Variants in EPHA3 observed in about 807,000 individuals in gnomAD.
EPHA3 encodes the protein ephrin type-A receptor 3.
Under a neutral mutation model 107.1 loss-of-function variants are expected in EPHA3, and 42 were observed. That is an observed-to-expected ratio of 0.39 (90% CI 0.31 to 0.51). The LOEUF (loss-of-function observed/expected upper bound fraction) is 0.51, where lower values mean the gene tolerates loss of function less well. EPHA3 is among the 20% of genes least tolerant of loss of function. The pLI, the probability that EPHA3 is intolerant of heterozygous loss-of-function variation, is 0.78. For synonymous variants in EPHA3, 461 were observed against 424.8 expected (o/e 1.09, Z -1.05); for missense variants, 1,183 against 1,211.2 (o/e 0.98, Z 0.35).
chr3:89,273,306 T>C (rs73849227), intron 3 of EPHA3, among the ~76,000 whole-genome samples: 4,923 of 152,028 alleles, frequency 0.032, 276 homozygotes, highest in African/African-American at 0.11. Flanking sequence ...GCAGTAGGAA[T>C]GTAAGTCATT....
chr3:89,328,302 C>T (rs1438878110), intron 3 of EPHA3, among the ~76,000 whole-genome samples: 1 of 152,056 alleles, frequency 6.6e-6, no homozygotes, highest in African/African-American at 2.4e-5. Flanking sequence ...AGGCAGATCC[C>T]CCCACAAAAT....
At chr3:89,384,498 T>G (rs62275019) in intron 5 of EPHA3, among the ~76,000 whole-genome samples, 48,001 of 152,074 alleles carry the variant, frequency 0.32, 8,558 homozygotes, top group African/African-American at 0.48. Flanking sequence ...TGTTTACATT[T>G]TCTCTGAAAT....
intron 3 of EPHA3, among the ~76,000 whole-genome samples, chr3:89,301,094 G>T (rs1374159605): frequency 6.6e-6 from 1 of 151,978 alleles, no homozygotes; most frequent in Non-Finnish European, 1.5e-5. Context: ...AGTCAAACCT[G>T]GTGGCTAAAA....
intron 2 of EPHA3, among the ~76,000 whole-genome samples, chr3:89,163,365 A>G (rs1202791259): frequency 6.6e-6 from 1 of 152,108 alleles, no homozygotes. Flanking sequence ...ATACTTTGCT[A>G]TGATTTTGAG....
At chr3:89,350,928 C>G (rs1384941313) in intron 5 of EPHA3, among the ~76,000 whole-genome samples, 1 of 151,476 alleles carries the variant, frequency 6.6e-6, no homozygotes, top group Non-Finnish European at 1.5e-5. Context: ...TTAGGCTGCT[C>G]GGGGGTCAGG....
chr3:89,345,275 T>G (rs976939847), intron 5 of EPHA3, among the ~76,000 whole-genome samples: 2 of 151,330 alleles, frequency 1.3e-5, no homozygotes, highest in Admixed American at 6.6e-5. Flanking sequence ...TTGGATGAAC[T>G]GATATCTGAG....
intron 9 of EPHA3, among the ~76,000 whole-genome samples, 175 bp from the exon 10 acceptor site, chr3:89,412,966 A>T (rs1320859435): frequency 2.0e-5 from 3 of 151,644 alleles, no homozygotes; most frequent in Non-Finnish European, 4.4e-5. Context: ...GTTTTCTTAA[A>T]TTTTTCAACA....
intron 5 of EPHA3, among the ~76,000 whole-genome samples, chr3:89,350,155 C>A (rs199919976): frequency 1.3e-5 from 2 of 150,410 alleles, no homozygotes; most frequent in Admixed American, 6.7e-5. Flanking sequence ...TGAATGTGAA[C>A]GTTGGCCTGC....
In EPHA3 at chr3:89,480,387, C is replaced by T. The variant is rs1397322003; in HGVS notation, c.*885C>T. On this transcript the variant is annotated 3_prime_UTR_variant, in exon 17 of 17. Transcript: ENST00000336596. ...GTTATCCCAATCATTGTTGCCTCTCCGTTTATTATAAACTGTATGCTCACA... is the reference window on the plus strand; with the variant it reads ...GTTATCCCAATCATTGTTGCCTCTCTGTTTATTATAAACTGTATGCTCACA... The T allele has an allele frequency of 1.7e-5, 4 of 233,062 alleles. No individual in the cohort carries two copies. The South Asian group carries it at 5.4e-4, about 32-fold the overall frequency. 14.4% of individuals were successfully genotyped at this position (233,062 alleles called of 1,614,324 possible). A position where few individuals can be genotyped will look rare whatever the true frequency, so the allele number is the denominator to read the frequency against.
intron 3 of EPHA3, among the ~76,000 whole-genome samples, chr3:89,339,923 AT>A (rs1336927767): frequency 1.3e-5 from 2 of 152,174 alleles, no homozygotes; most frequent in Non-Finnish European, 2.9e-5. Flanking sequence ...TGAATCTAAA[AT>A]TTACATCCCA....
At chr3:89,410,249 T>C (rs1233379943) in intron 9 of EPHA3, among the ~76,000 whole-genome samples, 2 of 152,192 alleles carry the variant, frequency 1.3e-5, no homozygotes, top group East Asian at 3.9e-4. Flanking sequence ...GGATTCATTT[T>C]ATTTGGGAAT....
intron 11 of EPHA3, among the ~76,000 whole-genome samples, chr3:89,426,164 C>T (rs564372600): frequency 1.3e-5 from 2 of 151,726 alleles, no homozygotes; most frequent in South Asian, 2.1e-4. Flanking sequence ...TGGAGGAAGA[C>T]GATCATGTCA....
At chr3:89,241,209 A>G (rs1372632314) in intron 3 of EPHA3, among the ~76,000 whole-genome samples, 1 of 152,116 alleles carries the variant, frequency 6.6e-6, no homozygotes, top group Non-Finnish European at 1.5e-5. Flanking sequence ...CCTTAGGAAG[A>G]ATAAGAAAAA....
Position 89,359,673 on chromosome 3 carries a change from TTG to T in EPHA3, c.1306+17597_1306+17598del, listed in dbSNP as rs34701566. On this transcript the variant is annotated intron_variant, in intron 5 of 16. Coordinates refer to ENST00000336596, the MANE Select transcript of EPHA3 (RefSeq NM_005233.6). ...TAGATGAACTGGCAAACATTATATATTGTGTGTGTGTGTGTATATACGTTATA... is the reference window on the plus strand; with the variant it reads ...TAGATGAACTGGCAAACATTATATATTGTGTGTGTGTGTATATACGTTATA... Among the ~76,000 whole-genome samples the T allele has an allele frequency of 2.4e-3, 346 of 145,670 alleles. 5 individuals carry two copies. Among genetic ancestry groups the T allele is most frequent in the African/African-American group, 7.9e-3 (320 of 40,624 alleles).
intron 13 of EPHA3, among the ~76,000 whole-genome samples, chr3:89,433,960 A>G (rs1481279394): frequency 3.9e-5 from 6 of 152,096 alleles, no homozygotes; most frequent in Non-Finnish European, 8.8e-5. Context: ...AGTCTTAGGG[A>G]ATGTATTTCA....
chr3:89,166,172 G>A (rs534452136), intron 2 of EPHA3, among the ~76,000 whole-genome samples: 21 of 152,240 alleles, frequency 1.4e-4, no homozygotes, highest in South Asian at 8.3e-4. Flanking sequence ...CTGTTCCACC[G>A]TCTAAAGTAG....
At chr3:89,434,549 G>C (rs1709630394) in intron 13 of EPHA3, among the ~76,000 whole-genome samples, 1 of 152,058 alleles carries the variant, frequency 6.6e-6, no homozygotes, top group African/African-American at 2.4e-5. Context: ...GAGCATCTCT[G>C]TCCCCATAAG....
At chr3:89,473,230 G>GA (rs1312502248) in intron 16 of EPHA3, among the ~76,000 whole-genome samples, 9 of 152,064 alleles carry the variant, frequency 5.9e-5, no homozygotes, top group Non-Finnish European at 8.8e-5. Context: ...AGATGAGAAA[G>GA]AAAAAATATG....
At chr3:89,454,533 C>T (rs1710059884) in intron 15 of EPHA3, among the ~76,000 whole-genome samples, 1 of 152,152 alleles carries the variant, frequency 6.6e-6, no homozygotes, top group Admixed American at 6.5e-5. Context: ...GCAATAGGCT[C>T]CTAACTTGTC....
Sources: allele counts gnomAD v4.1 joint callset (sites outside exome capture counted in the v4.1 genomes callset), GRCh38; gene constraint gnomAD v4.1.1; transcripts MANE v1.5; gene names NCBI Gene and HGNC (gene_info 2026-07-23, HGNC 2026-07-21).